ANXA8: variants seen among roughly 807,000 people sequenced by gnomAD.
ANXA8 encodes the protein annexin A8.
A neutral mutation model predicts 26.8 loss-of-function variants in ANXA8; 9 were observed. The ratio of observed to expected loss-of-function variants is 0.34; its 90% CI spans 0.20 to 0.59. ANXA8 has a LOEUF of 0.59. ANXA8 is among the 20% of genes least tolerant of loss of function. ANXA8 has a pLI of 0.84. For synonymous variants in ANXA8, 39 were observed against 94.8 expected, an observed-to-expected ratio of 0.41 and a Z score of 3.42; for missense variants, 83 against 238.5, an observed-to-expected ratio of 0.35 and a Z score of 4.29.
the ANXA8 span, among the ~76,000 whole-genome samples, chr10:47,623,808 T>C: frequency 8.9e-6 from 1 of 111,906 alleles, no homozygotes; most frequent in East Asian, 2.2e-4. Context: ...GATAATATAT[T>C]TTACTACATC....
the ANXA8 span, among the ~76,000 whole-genome samples, chr10:47,694,709 G>T: frequency 2.0e-5 from 3 of 151,914 alleles, no homozygotes; most frequent in African/African-American, 7.3e-5. Flanking sequence ...GCGAGCCACC[G>T]CGCCCGGCCC....
the ANXA8 span, chr10:47,565,191 G>A: frequency 4.4e-6 from 3 of 677,794 alleles, no homozygotes; most frequent in Non-Finnish European, 8.0e-6. Flanking sequence ...GGCGACGCGG[G>A]CACCCCCTCA....
At chr10:47,649,214 CAT>C in the ANXA8 span, among the ~76,000 whole-genome samples, 2 of 149,154 alleles carry the variant, frequency 1.3e-5, no homozygotes, top group African/African-American at 2.5e-5. Flanking sequence ...AATTTTCAAA[CAT>C]GTTATTGCCC....
At chr10:47,558,410 C>T in the ANXA8 span, among the ~76,000 whole-genome samples, 5 of 151,798 alleles carry the variant, frequency 3.3e-5, no homozygotes, top group East Asian at 3.9e-4. Context: ...CTTAGCCAGC[C>T]GTGGACTCCT....
At chr10:47,497,001 A>C in the ANXA8 span, among the ~76,000 whole-genome samples, 2 of 149,310 alleles carry the variant, frequency 1.3e-5, no homozygotes, top group Non-Finnish European at 3.0e-5. Flanking sequence ...GAGACTATGA[A>C]AATTTTGTAT....
the ANXA8 span, among the ~76,000 whole-genome samples, chr10:47,674,640 C>A: frequency 1.3e-5 from 2 of 151,616 alleles, no homozygotes; most frequent in Admixed American, 1.3e-4. Flanking sequence ...AGTTATGATA[C>A]CCCTCCTCAA....
the ANXA8 span, among the ~76,000 whole-genome samples, chr10:47,650,515 A>T: frequency 6.6e-6 from 1 of 151,680 alleles, no homozygotes; most frequent in Non-Finnish European, 1.5e-5. Flanking sequence ...TCCAATTGAA[A>T]CAATGGGCAG....
chr10:47,699,329 G>A, the ANXA8 span, among the ~76,000 whole-genome samples: 5 of 129,434 alleles, frequency 3.9e-5, no homozygotes, highest in Non-Finnish European at 7.9e-5. Context: ...GAGGGACAGA[G>A]CGAGATTCTG....
chr10:47,593,224 TAG>T, the ANXA8 span, among the ~76,000 whole-genome samples: 2 of 148,450 alleles, frequency 1.3e-5, no homozygotes, highest in Admixed American at 1.3e-4. Flanking sequence ...TGTGTGTCCC[TAG>T]AGATGTAATC....
At chr10:47,711,029 A>G in the ANXA8 span, among the ~76,000 whole-genome samples, 3 of 149,800 alleles carry the variant, frequency 2.0e-5, no homozygotes, top group Non-Finnish European at 4.4e-5. Flanking sequence ...ATTCTGGAGA[A>G]GCTTCTACAA....
the ANXA8 span, among the ~76,000 whole-genome samples, chr10:47,541,517 A>T: frequency 9.9e-6 from 1 of 100,758 alleles, no homozygotes. Context: ...GACTAGAAGG[A>T]TATGCAAAAA....
the ANXA8 span, among the ~76,000 whole-genome samples, chr10:47,647,957 G>C: frequency 4.6e-5 from 7 of 151,818 alleles, no homozygotes; most frequent in African/African-American, 1.7e-4. Context: ...AAGCTTAGAT[G>C]AATAAAGGGA....
chr10:47,749,238 A>C, the ANXA8 span, among the ~76,000 whole-genome samples: 11,173 of 84,430 alleles, frequency 0.13, 3 homozygotes, highest in African/African-American at 0.18. Flanking sequence ...TGTCTCAAAA[A>C]CAAGCAAACA....
the ANXA8 span, among the ~76,000 whole-genome samples, chr10:47,694,482 G>A: frequency 0.038 from 5,562 of 145,378 alleles, 311 homozygotes; most frequent in African/African-American, 0.13. Flanking sequence ...GTGCAGTGGC[G>A]TGATCTCTGC....
chr10:47,581,515 C>T, the ANXA8 span: 7 of 543,668 alleles, frequency 1.3e-5, no homozygotes, highest in South Asian at 9.8e-5. Flanking sequence ...TGGCTGTATT[C>T]CTGATTGTGC....
At chr10:47,534,634 T>A in the ANXA8 span, among the ~76,000 whole-genome samples, 1 of 125,648 alleles carries the variant, frequency 8.0e-6, no homozygotes, top group East Asian at 3.3e-4. Flanking sequence ...TCATTTTCAA[T>A]TCCACTGCCC....
the ANXA8 span, among the ~76,000 whole-genome samples, chr10:47,493,716 T>C: frequency 6.6e-6 from 1 of 150,862 alleles, no homozygotes; most frequent in Non-Finnish European, 1.5e-5. Context: ...CCATGGCCTC[T>C]GGGGACAACT....
the ANXA8 span, among the ~76,000 whole-genome samples, chr10:47,509,716 G>C: frequency 0.028 from 3,819 of 134,670 alleles, 17 homozygotes; most frequent in African/African-American, 0.11. Flanking sequence ...CTCTCAAAGC[G>C]CATCTTTGTG....
the ANXA8 span, among the ~76,000 whole-genome samples, chr10:47,914,986 C>G: frequency 6.6e-6 from 1 of 152,294 alleles, no homozygotes; most frequent in Non-Finnish European, 1.5e-5. Flanking sequence ...CTTTGGTTCT[C>G]TGTTATAAGT....
Sources: gnomAD v4.1 joint callset for allele counts (sites outside exome capture counted in the v4.1 genomes callset) on GRCh38, gnomAD v4.1.1 for gene constraint, MANE v1.5 for transcripts, NCBI Gene and HGNC (gene_info 2026-07-23, HGNC 2026-07-21) for gene names.